DPP6: variants seen among roughly 807,000 people sequenced by gnomAD.
DPP6 encodes dipeptidyl peptidase like 6, also known as A-type potassium channel modulatory protein DPP6.
A neutral mutation model predicts 122.6 loss-of-function variants in DPP6; 69 were observed. That is an observed-to-expected ratio of 0.56 (90% CI 0.46 to 0.69). DPP6 has a LOEUF of 0.69. Among genes scored for constraint, DPP6 ranks in the 30% least tolerant of loss-of-function variants. DPP6 has a pLI of 0.00. For missense variants in DPP6, 928 were observed against 1,116.9 expected (o/e 0.83, Z 2.41); for synonymous variants, 418 against 433.1 (o/e 0.97, Z 0.43).
chr7:153,788,973 A>G, the DPP6 span, among the ~76,000 whole-genome samples: 5 of 152,076 alleles, frequency 3.3e-5, no homozygotes, highest in Admixed American at 6.6e-5. Context: ...CTCAAAAAAA[A>G]AAAAAAAAGT....
intron 7 of DPP6, among the ~76,000 whole-genome samples, chr7:154,716,978 C>T (rs903475919): frequency 1.1e-4 from 16 of 151,958 alleles, no homozygotes; most frequent in South Asian, 2.1e-4. Flanking sequence ...GGATTACAGG[C>T]GTGCACCACA....
chr7:154,462,301 T>C (rs1821366371), intron 2 of DPP6, among the ~76,000 whole-genome samples: 1 of 152,198 alleles, frequency 6.6e-6, no homozygotes, highest in Non-Finnish European at 1.5e-5. Flanking sequence ...ATATGATTCA[T>C]CCAGTTTTGT....
intron 1 of DPP6, among the ~76,000 whole-genome samples, chr7:154,006,974 G>A (rs1311377684): frequency 6.6e-6 from 1 of 152,214 alleles, no homozygotes; most frequent in Non-Finnish European, 1.5e-5. Flanking sequence ...CTGCTCCCCT[G>A]AGAAGATATT....
intron 1 of DPP6, chr7:154,305,232 G>A: frequency 2.5e-6 from 3 of 1,217,376 alleles, no homozygotes; most frequent in Admixed American, 3.9e-5. Context: ...TGTGGCGATT[G>A]CAGAGGCTGT....
intron 3 of DPP6, among the ~76,000 whole-genome samples, chr7:154,519,882 G>T (rs753380205): frequency 1.3e-5 from 2 of 152,146 alleles, no homozygotes; most frequent in African/African-American, 4.8e-5. Context: ...TCTGAGTGCC[G>T]CTGGGGGAGG....
intron 10 of DPP6, among the ~76,000 whole-genome samples, chr7:154,792,608 CA>C (rs1797749537): frequency 6.6e-6 from 1 of 152,198 alleles, no homozygotes; most frequent in African/African-American, 2.4e-5. Context: ...GGATGGAGAG[CA>C]GGGGGGAGGG....
At chr7:154,591,852 G>T (rs552332978) in intron 5 of DPP6, among the ~76,000 whole-genome samples, 2 of 152,332 alleles carry the variant, frequency 1.3e-5, no homozygotes, top group Admixed American at 6.5e-5. Flanking sequence ...GAGGTTCAAG[G>T]AATGCTAGAC....
At chr7:154,420,580 A>C (rs1282324583) in intron 1 of DPP6, among the ~76,000 whole-genome samples, 5 of 152,158 alleles carry the variant, frequency 3.3e-5, no homozygotes, top group African/African-American at 7.2e-5. Context: ...GAGGAAATAC[A>C]GTCAAAAAAT....
At chr7:154,311,090 G>C (rs977797983) in intron 1 of DPP6, among the ~76,000 whole-genome samples, 7 of 152,116 alleles carry the variant, frequency 4.6e-5, no homozygotes, top group African/African-American at 1.7e-4. Context: ...GACAGGTAGG[G>C]GGTGTATCAT....
intron 1 of DPP6, among the ~76,000 whole-genome samples, chr7:154,041,010 G>A (rs183773580): frequency 6.6e-6 from 1 of 152,192 alleles, no homozygotes; most frequent in Admixed American, 6.5e-5. Context: ...TAAGTATAAA[G>A]TGCAGATAAA....
intron 11 of DPP6, among the ~76,000 whole-genome samples, chr7:154,794,990 G>A (rs969572415): frequency 1.3e-5 from 2 of 152,126 alleles, no homozygotes; most frequent in East Asian, 1.9e-4. Flanking sequence ...CGACAGCTGT[G>A]CCTGAGATCC....
the DPP6 span, among the ~76,000 whole-genome samples, chr7:153,844,988 A>C: frequency 2.6e-5 from 4 of 152,318 alleles, 1 homozygote; most frequent in African/African-American, 9.6e-5. Context: ...GGAGGTATTT[A>C]GCTTTCATTT....
At chr7:154,574,022 C>T (rs1831291840) in intron 5 of DPP6, among the ~76,000 whole-genome samples, 1 of 152,236 alleles carries the variant, frequency 6.6e-6, no homozygotes, top group African/African-American at 2.4e-5. Flanking sequence ...TGACACAGAA[C>T]TGGCTCAAAA....
At chr7:154,668,218 T>TATATATATATATATATATATATAA (rs1838313066) in intron 6 of DPP6, among the ~76,000 whole-genome samples, 7 of 108,798 alleles carry the variant, frequency 6.4e-5, no homozygotes, top group African/African-American at 2.2e-4. Context: ...TATATATATA[T>TATATATATATATATATATATATAA]AATATACACA....
intron 1 of DPP6, among the ~76,000 whole-genome samples, chr7:154,359,645 A>G (rs1811561993): frequency 6.6e-6 from 1 of 152,230 alleles, no homozygotes; most frequent in African/African-American, 2.4e-5. Flanking sequence ...TACTTAGAAC[A>G]ATGTCTGGCA....
the DPP6 span, among the ~76,000 whole-genome samples, chr7:153,868,558 C>G: frequency 1.3e-5 from 2 of 152,050 alleles, no homozygotes; most frequent in African/African-American, 4.8e-5. Context: ...CTTTATTAGT[C>G]TTGCTAGCAG....
At chr7:154,775,641 A>T (rs1002345011) in intron 10 of DPP6, among the ~76,000 whole-genome samples, 5 of 152,028 alleles carry the variant, frequency 3.3e-5, no homozygotes, top group Admixed American at 2.0e-4. Flanking sequence ...GAACAAGGAC[A>T]TCCTAGGGTG....
At chr7:154,520,936 A>C (rs55915141) in intron 3 of DPP6, among the ~76,000 whole-genome samples, 26,854 of 152,190 alleles carry the variant, frequency 0.18, 2,533 homozygotes, top group Non-Finnish European at 0.2. Flanking sequence ...AATGCCTCGT[A>C]TTCTACTGAA....
intron 1 of DPP6, among the ~76,000 whole-genome samples, chr7:154,361,603 CAAAAAAAA>C (rs34342809): frequency 3.4e-5 from 2 of 57,974 alleles, no homozygotes; most frequent in Non-Finnish European, 8.1e-5. Flanking sequence ...AATTGCTAGC[CAAAAAAAA>C]AAAAAAAAAA....
Sources: allele counts gnomAD v4.1 joint callset (sites outside exome capture counted in the v4.1 genomes callset), GRCh38; gene constraint gnomAD v4.1.1; transcripts MANE v1.5; gene names NCBI Gene and HGNC (gene_info 2026-07-23, HGNC 2026-07-21).